The following CMSS1 variants were observed in gnomAD, a reference collection of about 807,000 sequenced individuals.
CMSS1 encodes the protein cms1 ribosomal small subunit homolog, also known as protein CMSS1.
CMSS1 carries 33 observed loss-of-function variants against 43.5 expected under a neutral mutation model. The ratio of observed to expected loss-of-function variants is 0.76; its 90% CI spans 0.57 to 1.01. CMSS1 has a LOEUF of 1.01. CMSS1 is among the 50% of genes least tolerant of loss of function. The probability of loss-of-function intolerance (pLI) is 0.00; values close to 1 mark genes in which losing one functional copy is unlikely to be tolerated. For synonymous variants in CMSS1, 115 were observed against 117.2 expected, an observed-to-expected ratio of 0.98 and a Z score of 0.12; for missense variants, 313 against 326.4, an observed-to-expected ratio of 0.96 and a Z score of 0.32.
chr3:99,858,007 T>C (rs1029680218), intron 1 of CMSS1, among the ~76,000 whole-genome samples: 1 of 152,154 alleles, frequency 6.6e-6, no homozygotes, highest in East Asian at 1.9e-4. Context: ...AAAAAGGAGA[T>C]AGTTCCAGCA....
At chr3:100,021,960 T>TGTGAGAGA (rs1321185364) in intron 1 of CMSS1, among the ~76,000 whole-genome samples, 142 of 93,316 alleles carry the variant, frequency 1.5e-3, no homozygotes, top group East Asian at 3.5e-3. Flanking sequence ...TGTGTGTGTG[T>TGTGAGAGA]GAGAGAGAGA....
chr3:100,029,326 A>G (rs2064983426), intron 1 of CMSS1, among the ~76,000 whole-genome samples: 1 of 152,058 alleles, frequency 6.6e-6, no homozygotes, highest in South Asian at 2.1e-4. Flanking sequence ...TAGTCACATA[A>G]CACTATTGAT....
chr3:99,862,097 AATG>A (rs1944290794), intron 1 of CMSS1, among the ~76,000 whole-genome samples: 1 of 152,334 alleles, frequency 6.6e-6, no homozygotes, highest in Admixed American at 6.5e-5. Flanking sequence ...ACCACAAAAA[AATG>A]ATAAGTATGT....
chr3:99,948,327 C>CA (rs943275281), intron 1 of CMSS1, among the ~76,000 whole-genome samples: 2 of 150,314 alleles, frequency 1.3e-5, no homozygotes, highest in Non-Finnish European at 1.5e-5. Context: ...ACTGTCTCTC[C>CA]AAAAAAATAA....
chr3:99,921,594 A>G (rs1559688691), intron 1 of CMSS1, among the ~76,000 whole-genome samples: 1 of 152,198 alleles, frequency 6.6e-6, no homozygotes, highest in Non-Finnish European at 1.5e-5. Flanking sequence ...ATAGAAATAG[A>G]TGAATATTCT....
intron 1 of CMSS1, among the ~76,000 whole-genome samples, chr3:100,043,358 A>G (rs1559737227): frequency 6.6e-6 from 1 of 152,132 alleles, no homozygotes; most frequent in Non-Finnish European, 1.5e-5. Context: ...CTTTTCAGCT[A>G]TATTAAATAT....
At chr3:100,045,259 C>T (rs2065260945) in intron 1 of CMSS1, among the ~76,000 whole-genome samples, 1 of 152,170 alleles carries the variant, frequency 6.6e-6, no homozygotes, top group Non-Finnish European at 1.5e-5. Context: ...GGGATGCGTA[C>T]AGCACATAGC....
intron 1 of CMSS1, among the ~76,000 whole-genome samples, chr3:99,992,355 T>G (rs1709549430): frequency 6.6e-6 from 1 of 152,160 alleles, no homozygotes; most frequent in African/African-American, 2.4e-5. Context: ...TCTTTAATAA[T>G]AGCCATTCTG....
At chr3:99,861,931 A>G (rs966545733) in intron 1 of CMSS1, among the ~76,000 whole-genome samples, 22 of 152,184 alleles carry the variant, frequency 1.4e-4, no homozygotes, top group African/African-American at 5.3e-4. Flanking sequence ...TAGAATGGGG[A>G]TAATATTAGA....
chr3:100,052,734 G>A (rs922791390), intron 1 of CMSS1, among the ~76,000 whole-genome samples: 1 of 152,082 alleles, frequency 6.6e-6, no homozygotes. Context: ...AAGGTGGAAG[G>A]TACCTTCCCC....
chr3:100,123,982 A>C (rs574442324), intron 1 of CMSS1, among the ~76,000 whole-genome samples: 5 of 152,326 alleles, frequency 3.3e-5, no homozygotes, highest in African/African-American at 1.2e-4. Flanking sequence ...TAGAGATAGC[A>C]CTGGGGTCCT....
At chr3:100,056,300 A>C (rs2065462770) in intron 1 of CMSS1, among the ~76,000 whole-genome samples, 1 of 152,232 alleles carries the variant, frequency 6.6e-6, no homozygotes, top group South Asian at 2.1e-4. Flanking sequence ...ACAAGTCTCC[A>C]ATGCATCCTT....
chr3:100,095,586 A>G (rs2066191526), intron 1 of CMSS1, among the ~76,000 whole-genome samples: 1 of 152,128 alleles, frequency 6.6e-6, no homozygotes, highest in East Asian at 1.9e-4. Context: ...ATGAAACTTG[A>G]CCCCTATCTC....
intron 1 of CMSS1, among the ~76,000 whole-genome samples, chr3:100,131,093 T>A (rs537014709): frequency 6.6e-6 from 1 of 152,326 alleles, no homozygotes; most frequent in South Asian, 2.1e-4. Context: ...GACTGTGTGT[T>A]AAGTAACTTA....
chr3:100,139,519 T>TA (rs1312410274), intron 1 of CMSS1, among the ~76,000 whole-genome samples: 12 of 125,406 alleles, frequency 9.6e-5, no homozygotes, highest in African/African-American at 2.5e-4. Flanking sequence ...CTGTATCTAC[T>TA]AAAAAAAAAA....
intron 1 of CMSS1, among the ~76,000 whole-genome samples, chr3:99,952,669 A>G (rs952046838): frequency 1.3e-5 from 2 of 152,210 alleles, no homozygotes; most frequent in Admixed American, 6.5e-5. Context: ...TTCAAGAAGC[A>G]TGAATTTCCT....
intron 1 of CMSS1, among the ~76,000 whole-genome samples, chr3:99,929,629 G>C (rs997454007): frequency 1.3e-5 from 2 of 151,974 alleles, no homozygotes; most frequent in Non-Finnish European, 2.9e-5. Context: ...TCTGGCATTT[G>C]GTAGATTTTG....
chr3:100,081,885 C>G (rs1181673119), intron 1 of CMSS1, among the ~76,000 whole-genome samples: 7 of 152,158 alleles, frequency 4.6e-5, no homozygotes, highest in Non-Finnish European at 1.0e-4. Flanking sequence ...CAGTAGCACC[C>G]TCCGAGTTGT....
At chr3:99,859,136 A>G (rs1024030209) in intron 1 of CMSS1, among the ~76,000 whole-genome samples, 4 of 152,226 alleles carry the variant, frequency 2.6e-5, no homozygotes, top group Non-Finnish European at 5.9e-5. Context: ...GGAAACCACT[A>G]AGTTGCCTGG....
Sources: allele counts gnomAD v4.1 joint callset (sites outside exome capture counted in the v4.1 genomes callset), GRCh38; gene constraint gnomAD v4.1.1; transcripts MANE v1.5; gene names NCBI Gene and HGNC (gene_info 2026-07-23, HGNC 2026-07-21).